The following ZNF713 variants were observed in gnomAD, a reference collection of about 807,000 sequenced individuals.
ZNF713 encodes zinc finger protein 713.
A neutral mutation model predicts 28.7 loss-of-function variants in ZNF713; 21 were observed. The ratio of observed to expected loss-of-function variants is 0.73; its 90% CI spans 0.52 to 1.05. ZNF713 has a LOEUF of 1.05. ZNF713 is among the 50% of genes least tolerant of loss of function. The pLI is 0.00. For synonymous variants in ZNF713, 167 were observed against 178.0 expected (o/e 0.94, Z 0.49); for missense variants, 458 against 532.4 (o/e 0.86, Z 1.37).
rs1252286270 is a variant in ZNF713, at chr7:55,887,862, G to A, written c.-583+182G>A. Among the ~76,000 whole-genome samples, 2 of 13,390 alleles carry A rather than the reference G, an allele frequency of 1.5e-4. 1 individual carries two copies. The highest frequency in any genetic ancestry group is 2.7e-4 in the Non-Finnish European group (2 of 7,430). The allele number at this position is 13,390 out of a possible 152,430, so 8.8% of individuals were successfully genotyped here. A position where few individuals can be genotyped will look rare whatever the true frequency, so the allele number is the denominator to read the frequency against. ...GCGGGCGGCGGCGGCGGCGGGCGGCGGGCGGCGGCGGCGGCGGCGGCGGCG... is the reference window on the plus strand; with the variant it reads ...GCGGGCGGCGGCGGCGGCGGGCGGCAGGCGGCGGCGGCGGCGGCGGCGGCG... On this transcript the variant is annotated intron_variant, in intron 1 of 6. Transcript: ENST00000429591.
At chr7:55,933,639 AC>A (rs1354704119) in intron 6 of ZNF713, among the ~76,000 whole-genome samples, 1 of 151,986 alleles carries the variant, frequency 6.6e-6, no homozygotes, top group African/African-American at 2.4e-5. Flanking sequence ...ATTTGAATGT[AC>A]TGTATTAAAT....
chr7:55,902,349 G>T (rs1055353451), intron 1 of ZNF713, among the ~76,000 whole-genome samples: 1 of 152,094 alleles, frequency 6.6e-6, no homozygotes, highest in Non-Finnish European at 1.5e-5. Flanking sequence ...TTAAATCATT[G>T]GTAAGTATAC....
intron 4 of ZNF713, among the ~76,000 whole-genome samples, chr7:55,915,233 G>T (rs1440128686): frequency 2.0e-5 from 3 of 152,202 alleles, no homozygotes; most frequent in African/African-American, 7.2e-5. Flanking sequence ...CTAGCCCAAG[G>T]AGTTAGTTTT....
chr7:55,901,425 G>A (rs1785574554), intron 1 of ZNF713, among the ~76,000 whole-genome samples: 1 of 152,174 alleles, frequency 6.6e-6, no homozygotes, highest in Admixed American at 6.5e-5. Flanking sequence ...GAGATATGGG[G>A]TGGAGACACA....
intron 1 of ZNF713, among the ~76,000 whole-genome samples, chr7:55,896,631 ATAAT>A (rs1785479139): frequency 6.6e-6 from 1 of 151,712 alleles, no homozygotes; most frequent in African/African-American, 2.4e-5. Context: ...ATAAACACAC[ATAAT>A]TGATGTGTGT....
chr7:55,937,896 A>G (rs1327922878), intron 6 of ZNF713, among the ~76,000 whole-genome samples: 1 of 144,284 alleles, frequency 6.9e-6, no homozygotes, highest in Admixed American at 7.0e-5. Flanking sequence ...AGAGTGAGAC[A>G]CTTTCTCAAA....
In ZNF713 at chr7:55,941,452, T is replaced by TAAA. The variant is rs1428466705; in HGVS notation, c.*1446_*1447insAAA. 8.0e-6 allele frequency: 1 copy of TAAA among 125,204 alleles called. No homozygotes were observed. The allele number at this position is 125,204 out of a possible 1,614,324, so 7.8% of individuals were successfully genotyped here. A position where few individuals can be genotyped will look rare whatever the true frequency, so the allele number is the denominator to read the frequency against. The stretch of plus-strand genomic sequence containing the variant: ...GCCTGGGCAACAGAGTGAGACTGTC[T>TAAA]CAAAAAAAAAAAAAAGTAAAATTTA... On this transcript the variant is annotated 3_prime_UTR_variant, in exon 7 of 7. Transcript: ENST00000429591.
Position 55,939,637 on chromosome 7 carries a change from A to G in ZNF713, c.963A>G (p.Lys321=). 1 of 1,614,224 alleles carries G rather than the reference A, an allele frequency of 6.2e-7. No individual in the cohort carries two copies. Among genetic ancestry groups the G allele is most frequent in the Non-Finnish European group, 8.5e-7 (1 of 1,180,046 alleles). ...EKPFICNGCG[K]AFRQHSSFTQ... ...CTTTTATATGCAATGGATGTGGGAA[A>G]GCCTTCCGTCAGCATTCATCCTTTA... The change falls in exon 7 of 7, where the codon AAA becomes AAG. Residue 321 remains lysine, a synonymous_variant. Transcript: ENST00000429591.
intron 1 of ZNF713, among the ~76,000 whole-genome samples, chr7:55,888,639 C>T (rs1244616387): frequency 6.6e-6 from 1 of 152,090 alleles, no homozygotes; most frequent in Non-Finnish European, 1.5e-5. Flanking sequence ...CTTGGCCTCT[C>T]AAAGTGCTGG....
intron 1 of ZNF713, among the ~76,000 whole-genome samples, chr7:55,892,337 G>A (rs1339920045): frequency 1.3e-5 from 2 of 148,268 alleles, no homozygotes; most frequent in Admixed American, 6.8e-5. Flanking sequence ...ATTTGTGTTC[G>A]TGCCATACAG....
chr7:55,889,132 G>A (rs1230655695), intron 1 of ZNF713, among the ~76,000 whole-genome samples: 1 of 141,792 alleles, frequency 7.1e-6, no homozygotes, highest in Admixed American at 7.1e-5. Flanking sequence ...ATGGAGTTTC[G>A]CTCCTGTTGC....
At chr7:55,901,150 G>C (rs933036402) in intron 1 of ZNF713, among the ~76,000 whole-genome samples, 1 of 152,204 alleles carries the variant, frequency 6.6e-6, no homozygotes, top group African/African-American at 2.4e-5. Flanking sequence ...ACAAAAGAAA[G>C]AGGTTTAATG....
At chr7:55,918,006 T>G (rs1390275563) in intron 4 of ZNF713, 1 of 455,362 alleles carries the variant, frequency 2.2e-6, no homozygotes, top group Non-Finnish European at 4.4e-6. Context: ...CCCAAATGCT[T>G]TCTTGCAAGT....
intron 4 of ZNF713, among the ~76,000 whole-genome samples, chr7:55,917,704 CAAA>C (rs59443993): frequency 3.2e-5 from 4 of 123,190 alleles, no homozygotes; most frequent in African/African-American, 2.9e-5. Context: ...GACCCTGTCT[CAAA>C]AAAAAAAAAA....
chr7:55,899,327 A>G (rs1191781529), intron 1 of ZNF713, among the ~76,000 whole-genome samples: 3 of 132,452 alleles, frequency 2.3e-5, no homozygotes, highest in Non-Finnish European at 4.7e-5. Flanking sequence ...TACTCCATCC[A>G]GCCTAGGTGA....
At chr7:55,913,564 A>C (rs1785827542) in intron 4 of ZNF713, among the ~76,000 whole-genome samples, 1 of 152,178 alleles carries the variant, frequency 6.6e-6, no homozygotes, top group African/African-American at 2.4e-5. Context: ...TGAATGCAAC[A>C]AGAGTTGTTT....
At position 55,928,595 on chromosome 7, in the gene ZNF713, A is replaced by T. The variant is rs566626383; in HGVS notation, c.307+4896A>T. On this transcript the variant is annotated intron_variant, in intron 6 of 6. Transcript: ENST00000429591. ...TATTGCCATGTAAGTAGACTGTTGA[A>T]GGTGGAACAAAGGTGAAGGCACAAA... Among the ~76,000 whole-genome samples the T allele has an allele frequency of 1.3e-3, 193 of 152,320 alleles. No homozygotes were observed. In the South Asian group the frequency reaches 0.019, roughly 15 times the overall value.
At chr7:55,895,083 A>G (rs551535188) in intron 1 of ZNF713, among the ~76,000 whole-genome samples, 19 of 152,304 alleles carry the variant, frequency 1.2e-4, no homozygotes, top group African/African-American at 4.6e-4. Context: ...GGGTATTTCC[A>G]TGGTAGAGAG....
In ZNF713 at chr7:55,940,118, A is replaced by C. The variant is rs1273711344; in HGVS notation, c.*112A>C. On this transcript the variant is annotated 3_prime_UTR_variant, in exon 7 of 7. Coordinates refer to ENST00000429591, the MANE Select transcript of ZNF713 (RefSeq NM_182633.3). ...ATAGTGGAGAGAAAGCTTATACATAAATTTTTGTTTTGTTTTGTTTTTGAG... is the reference window on the plus strand; with the variant it reads ...ATAGTGGAGAGAAAGCTTATACATACATTTTTGTTTTGTTTTGTTTTTGAG... The C allele has an allele frequency of 4.9e-6, 7 of 1,440,932 alleles. No individual in the cohort carries two copies. In the Admixed American group the frequency reaches 1.4e-4, roughly 28 times the overall value. The allele number at this position is 1,440,932 out of a possible 1,614,324, so 89.3% of individuals were successfully genotyped here.
Sources: gnomAD v4.1 joint callset for allele counts (sites outside exome capture counted in the v4.1 genomes callset) on GRCh38, gnomAD v4.1.1 for gene constraint, MANE v1.5 for transcripts, NCBI Gene and HGNC (gene_info 2026-07-23, HGNC 2026-07-21) for gene names.